The following SLC4A4 variants were observed in gnomAD, a reference collection of about 807,000 sequenced individuals.
SLC4A4 encodes electrogenic sodium bicarbonate cotransporter 1.
Under a neutral mutation model 111.5 loss-of-function variants are expected in SLC4A4, and 27 were observed. The observed-to-expected ratio is 0.24, with a 90% CI of 0.18 to 0.33. The LOEUF is 0.33. Among genes scored for constraint, SLC4A4 ranks in the 10% least tolerant of loss-of-function variants. The pLI, the probability that SLC4A4 is intolerant of heterozygous loss-of-function variation, is 1.00. For synonymous variants in SLC4A4, 443 were observed against 463.4 expected (o/e 0.96, Z 0.57); for missense variants, 909 against 1,315.5 (o/e 0.69, Z 4.78).
At chr4:71,141,548 C>T (rs1367927917) in intron 2 of SLC4A4, among the ~76,000 whole-genome samples, 1 of 152,174 alleles carries the variant, frequency 6.6e-6, no homozygotes, top group Non-Finnish European at 1.5e-5. Flanking sequence ...CTTTGCCTGG[C>T]TTGCTCCCTC....
chr4:71,164,425 A>G lies in SLC4A4; in HGVS notation c.-2+71633A>G, dbSNP rs181562944. 2.1e-3 allele frequency among the ~76,000 whole-genome samples: 324 copies of G among 152,044 alleles called. 3 individuals carry two copies. Among genetic ancestry groups the G allele is most frequent in the Non-Finnish European group, 3.4e-3 (230 of 67,982 alleles). ...ATTATTTTGAAGTTCCTCTTATTAT[A>G]GTACACCATTAAAACATGACATAGT... is the stretch of plus-strand genomic sequence containing the variant. On this transcript the variant is annotated intron_variant, in intron 2 of 26. Transcript: ENST00000649996.
chr4:71,190,428 A>T (rs920020501), intron 1 of SLC4A4, among the ~76,000 whole-genome samples: 5 of 138,158 alleles, frequency 3.6e-5, no homozygotes, highest in Non-Finnish European at 1.6e-5. Flanking sequence ...ACACACACAC[A>T]CAGACACAAC....
chr4:71,229,710 G>C (rs559738665), intron 1 of SLC4A4, among the ~76,000 whole-genome samples: 2 of 151,946 alleles, frequency 1.3e-5, no homozygotes, highest in South Asian at 2.1e-4. Context: ...CTTTCCCCCA[G>C]TATGGATGTC....
chr4:71,093,090 G>C (rs1742432855), intron 2 of SLC4A4, among the ~76,000 whole-genome samples: 1 of 150,852 alleles, frequency 6.6e-6, no homozygotes, highest in Non-Finnish European at 1.5e-5. Flanking sequence ...GTGAGACTTT[G>C]TCTCAAAAAT....
chr4:71,517,945 G>A (rs1560580681), intron 16 of SLC4A4, among the ~76,000 whole-genome samples: 1 of 152,082 alleles, frequency 6.6e-6, no homozygotes, highest in Non-Finnish European at 1.5e-5. Context: ...GCAGGCCTGG[G>A]GCCTGGGTCC....
chr4:71,392,064 T>G (rs1719341653), intron 6 of SLC4A4, among the ~76,000 whole-genome samples: 1 of 152,116 alleles, frequency 6.6e-6, no homozygotes, highest in African/African-American at 2.4e-5. Context: ...AGAACGTTGT[T>G]AGGAACCTGT....
chr4:71,287,812 A>G (rs1724036749), intron 3 of SLC4A4, among the ~76,000 whole-genome samples: 1 of 152,176 alleles, frequency 6.6e-6, no homozygotes. Flanking sequence ...CCTGAAGCTG[A>G]CTCTGGACTA....
intron 15 of SLC4A4, among the ~76,000 whole-genome samples, chr4:71,492,570 A>C (rs1044313037): frequency 6.6e-6 from 1 of 151,998 alleles, no homozygotes; most frequent in Non-Finnish European, 1.5e-5. Context: ...ATCCGCTGTT[A>C]GATCCCCACA....
intron 3 of SLC4A4, among the ~76,000 whole-genome samples, chr4:71,325,992 T>C (rs550740002): frequency 2.6e-5 from 4 of 152,092 alleles, no homozygotes; most frequent in African/African-American, 9.6e-5. Context: ...GTTTGAGGAT[T>C]TTATATATAT....
chr4:71,375,080 T>G (rs1224262163), intron 6 of SLC4A4, among the ~76,000 whole-genome samples: 2 of 152,208 alleles, frequency 1.3e-5, no homozygotes, highest in African/African-American at 2.4e-5. Context: ...TGACTTTCCT[T>G]GCTTTTGTTC....
chr4:71,529,893 C>T (rs934646964), intron 16 of SLC4A4, among the ~76,000 whole-genome samples: 1 of 152,074 alleles, frequency 6.6e-6, no homozygotes, highest in African/African-American at 2.4e-5. Flanking sequence ...ACCTCTGGTC[C>T]TCCAGTGATT....
intron 1 of SLC4A4, among the ~76,000 whole-genome samples, chr4:71,091,876 C>T (rs148819598): frequency 4.6e-5 from 7 of 152,216 alleles, no homozygotes; most frequent in South Asian, 2.1e-4. Flanking sequence ...TTAAAAACTG[C>T]GTTTGTTCTT....
chr4:71,516,361 T>C (rs898937280), intron 16 of SLC4A4, among the ~76,000 whole-genome samples: 1 of 152,144 alleles, frequency 6.6e-6, no homozygotes, highest in African/African-American at 2.4e-5. Context: ...CCTCCCAAAG[T>C]GCTGGGATTA....
intron 3 of SLC4A4, among the ~76,000 whole-genome samples, chr4:71,303,769 C>G (rs146878444): frequency 9.9e-5 from 15 of 151,716 alleles, no homozygotes; most frequent in African/African-American, 3.4e-4. Context: ...TTCTTCTTCC[C>G]CTCCCTCCCT....
chr4:71,319,327 T>C lies in SLC4A4; in HGVS notation c.254-20043T>C, dbSNP rs572522117. ...GGATTTTCAGGTTTACTTAGGTCTC[T>C]GGAGTTGGTTATATGCCTTTACCTC... is the stretch of plus-strand genomic sequence containing the variant. On this transcript the variant is annotated intron_variant, in intron 3 of 25. Coordinates refer to ENST00000264485, the MANE Select transcript of SLC4A4 (RefSeq NM_001098484.3). Among the ~76,000 whole-genome samples, 31 of 152,182 alleles carry C rather than the reference T, an allele frequency of 2.0e-4. No homozygotes were observed. The South Asian group carries it at 2.3e-3, about 11-fold the overall frequency.
At chr4:71,431,956 C>A (rs1237682381) in intron 7 of SLC4A4, among the ~76,000 whole-genome samples, 1 of 152,066 alleles carries the variant, frequency 6.6e-6, no homozygotes, top group Non-Finnish European at 1.5e-5. Context: ...TTTATTACAG[C>A]TGAATGATAT....
At chr4:71,250,143 T>TA (rs5859257) in intron 2 of SLC4A4, among the ~76,000 whole-genome samples, 105,201 of 151,020 alleles carry the variant, frequency 0.7, 40,026 homozygotes, top group Non-Finnish European at 0.86. Flanking sequence ...CTTTTCTTAA[T>TA]AAAAAAAAAT....
intron 2 of SLC4A4, among the ~76,000 whole-genome samples, chr4:71,096,338 G>C (rs1055813322): frequency 2.6e-5 from 4 of 152,124 alleles, no homozygotes; most frequent in Non-Finnish European, 5.9e-5. Context: ...AGAGAAAGGA[G>C]AGAAGACCCA....
chr4:71,442,959 A>G (rs1449342504), intron 8 of SLC4A4, among the ~76,000 whole-genome samples: 3 of 151,418 alleles, frequency 2.0e-5, no homozygotes, highest in African/African-American at 7.3e-5. Context: ...CTTGCCATTC[A>G]TGTGAAAGGA....
Sources: allele counts gnomAD v4.1 joint callset (sites outside exome capture counted in the v4.1 genomes callset), GRCh38; gene constraint gnomAD v4.1.1; transcripts MANE v1.5; gene names NCBI Gene and HGNC (gene_info 2026-07-23, HGNC 2026-07-21).